HOMER1: variants seen among roughly 807,000 people sequenced by gnomAD.
The protein encoded by HOMER1 is homer protein homolog 1.
HOMER1 carries 3 observed loss-of-function variants against 48.9 expected under a neutral mutation model. That is an observed-to-expected ratio of 0.06 (90% CI 0.03 to 0.16). HOMER1 has a LOEUF of 0.16. HOMER1 is among the 10% of genes least tolerant of loss of function. The probability of loss-of-function intolerance (pLI) is 1.00; values close to 1 mark genes in which losing one functional copy is unlikely to be tolerated. For missense variants in HOMER1, 247 were observed against 411.4 expected, an observed-to-expected ratio of 0.60 and a Z score of 3.46; for synonymous variants, 134 against 146.4, an observed-to-expected ratio of 0.92 and a Z score of 0.61.
At chr5:79,379,234 ATT>A (rs1491519469) in intron 8 of HOMER1, among the ~76,000 whole-genome samples, 1 of 69,584 alleles carries the variant, frequency 1.4e-5, no homozygotes, top group Non-Finnish European at 2.7e-5. Context: ...TATAATATAT[ATT>A]ATATATTATA....
chr5:79,512,563 A>G (rs1752972276), intron 1 of HOMER1, among the ~76,000 whole-genome samples: 1 of 152,256 alleles, frequency 6.6e-6, no homozygotes, highest in South Asian at 2.1e-4. Context: ...TACAAACGAT[A>G]TATGTGTTTT....
At chr5:79,462,662 T>C (rs550418980) in intron 1 of HOMER1, among the ~76,000 whole-genome samples, 112 of 152,316 alleles carry the variant, frequency 7.4e-4, no homozygotes, top group African/African-American at 2.6e-3. Context: ...AAAAAACTAT[T>C]TTCCAGGAGA....
At chr5:79,491,287 G>A (rs1369604910) in intron 1 of HOMER1, among the ~76,000 whole-genome samples, 1 of 151,114 alleles carries the variant, frequency 6.6e-6, no homozygotes, top group African/African-American at 2.4e-5. Context: ...GCCGGGCACA[G>A]TGGGGTGTGC....
At chr5:79,467,973 A>C (rs1751520735) in intron 1 of HOMER1, among the ~76,000 whole-genome samples, 1 of 151,960 alleles carries the variant, frequency 6.6e-6, no homozygotes. Context: ...ATGGGGTTTC[A>C]CTGTTACCCA....
chr5:79,500,952 T>TGA (rs1491395339), intron 1 of HOMER1, among the ~76,000 whole-genome samples: 2 of 108,610 alleles, frequency 1.8e-5, no homozygotes, highest in African/African-American at 9.0e-5. Flanking sequence ...TGTGTGTGTG[T>TGA]GAGACAGACA....
Position 79,375,904 on chromosome 5 carries a change from ATTTTTTT to A in HOMER1, c.*98_*104del. On this transcript the variant is annotated 3_prime_UTR_variant, in exon 9 of 9. Coordinates refer to ENST00000334082, the MANE Select transcript of HOMER1 (RefSeq NM_004272.5). Reference sequence around the variant, plus strand: ...CCTCCTCCTGGAGGAGTGATATTCAATTTTTTTTTTTTTTTTTTTGTGCAATCTTGAT... The same window carrying A: ...CCTCCTCCTGGAGGAGTGATATTCAATTTTTTTTTTTTGTGCAATCTTGAT... 2 of 352,682 alleles carry A rather than the reference ATTTTTTT, an allele frequency of 5.7e-6. No individual in the cohort carries two copies. Among genetic ancestry groups the A allele is most frequent in the Non-Finnish European group, 4.9e-6 (1 of 205,158 alleles). 21.8% of individuals were successfully genotyped at this position (352,682 alleles called of 1,614,324 possible).
intron 1 of HOMER1, among the ~76,000 whole-genome samples, chr5:79,463,996 G>C (rs1435911008): frequency 1.3e-5 from 2 of 152,162 alleles, no homozygotes; most frequent in African/African-American, 4.8e-5. Context: ...AAAAGTAGTT[G>C]CTTCTGGGGA....
chr5:79,399,742 G>T (rs936633672), intron 6 of HOMER1, among the ~76,000 whole-genome samples: 2 of 151,968 alleles, frequency 1.3e-5, no homozygotes, highest in Non-Finnish European at 2.9e-5. Context: ...AATTAAAAAT[G>T]ACTAGTCATT....
intron 1 of HOMER1, among the ~76,000 whole-genome samples, chr5:79,485,293 G>C (rs924046622): frequency 3.3e-5 from 5 of 152,168 alleles, no homozygotes; most frequent in South Asian, 2.1e-4. Context: ...ATAGAAAACA[G>C]ATTTGTGGGT....
At chr5:79,377,662 C>T (rs1748810748) in intron 8 of HOMER1, among the ~76,000 whole-genome samples, 1 of 151,998 alleles carries the variant, frequency 6.6e-6, no homozygotes, top group South Asian at 2.1e-4. Context: ...GTCTAAAGGA[C>T]AGTGGAAATT....
intron 4 of HOMER1, among the ~76,000 whole-genome samples, chr5:79,441,887 C>T (rs1039506250): frequency 1.3e-5 from 2 of 151,700 alleles, no homozygotes; most frequent in Non-Finnish European, 2.9e-5. Context: ...TTTTATTTAA[C>T]ATATTCTAAG....
chr5:79,399,907 C>A (rs954902093), intron 6 of HOMER1, among the ~76,000 whole-genome samples: 1 of 152,008 alleles, frequency 6.6e-6, no homozygotes, highest in African/African-American at 2.4e-5. Context: ...AAATTCAGAT[C>A]TACAGGAAAG....
At chr5:79,492,141 A>AGTAAAATTTATTTCAT (rs1297813652) in intron 1 of HOMER1, among the ~76,000 whole-genome samples, 1 of 152,240 alleles carries the variant, frequency 6.6e-6, no homozygotes, top group African/African-American at 2.4e-5. Context: ...TCTTGGATAA[A>AGTAAAATTTATTTCAT]GTAAAATTTA....
chr5:79,405,985 C>A (rs1206166109), intron 5 of HOMER1, among the ~76,000 whole-genome samples: 1 of 152,246 alleles, frequency 6.6e-6, no homozygotes, highest in South Asian at 2.1e-4. Context: ...CACTGTAGAC[C>A]TGGAACATGG....
At chr5:79,386,446 T>C (rs920712679) in intron 8 of HOMER1, among the ~76,000 whole-genome samples, 9 of 152,126 alleles carry the variant, frequency 5.9e-5, no homozygotes, top group Admixed American at 1.3e-4. Context: ...AGAATGATGG[T>C]TACCAGAAGC....
chr5:79,406,505 G>C (rs1042226064), intron 5 of HOMER1, among the ~76,000 whole-genome samples: 10 of 152,196 alleles, frequency 6.6e-5, no homozygotes, highest in Non-Finnish European at 1.5e-4. Context: ...AGGTTCTCAG[G>C]AGAAAGATTG....
chr5:79,425,635 A>G (rs1235048380), intron 5 of HOMER1, among the ~76,000 whole-genome samples: 1 of 152,062 alleles, frequency 6.6e-6, no homozygotes, highest in Non-Finnish European at 1.5e-5. Context: ...TAATAATGAC[A>G]GAACAGTTTA....
intron 1 of HOMER1, among the ~76,000 whole-genome samples, chr5:79,496,940 C>T (rs765699654): frequency 1.3e-5 from 2 of 151,424 alleles, no homozygotes; most frequent in African/African-American, 2.4e-5. Flanking sequence ...GTGGCATGCA[C>T]CTGTAGTCCC....
intron 4 of HOMER1, among the ~76,000 whole-genome samples, chr5:79,441,151 T>C (rs1433832917): frequency 3.3e-5 from 5 of 151,934 alleles, no homozygotes; most frequent in Non-Finnish European, 1.5e-5. Context: ...TGAGACTCCA[T>C]CTCAAAATAA....
Sources: gnomAD v4.1 joint callset for allele counts (sites outside exome capture counted in the v4.1 genomes callset) on GRCh38, gnomAD v4.1.1 for gene constraint, MANE v1.5 for transcripts, NCBI Gene and HGNC (gene_info 2026-07-23, HGNC 2026-07-21) for gene names.